PTPRT: variants seen among roughly 807,000 people sequenced by gnomAD.
PTPRT encodes the protein protein tyrosine phosphatase receptor type T, also known as receptor-type tyrosine-protein phosphatase T.
In PTPRT, 56 loss-of-function variants were observed where a neutral mutation model predicts 176.8. That is an observed-to-expected ratio of 0.32 (90% CI 0.26 to 0.40). The LOEUF (loss-of-function observed/expected upper bound fraction) is 0.40, where lower values mean the gene tolerates loss of function less well. PTPRT is among the 10% of genes least tolerant of loss of function. The pLI is 1.00. For missense variants in PTPRT, 1,540 were observed against 1,908.2 expected, an observed-to-expected ratio of 0.81 and a Z score of 3.60; for synonymous variants, 783 against 739.0, an observed-to-expected ratio of 1.06 and a Z score of -0.96.
At chr20:42,278,291 A>C (rs1485221296) in intron 13 of PTPRT, among the ~76,000 whole-genome samples, 1 of 130,184 alleles carries the variant, frequency 7.7e-6, no homozygotes, top group African/African-American at 3.7e-5. Flanking sequence ...ATATTTATCT[A>C]TTAAGGAGAC....
chr20:42,250,341 C>T (rs2056530028), intron 13 of PTPRT, among the ~76,000 whole-genome samples: 1 of 152,166 alleles, frequency 6.6e-6, no homozygotes, highest in Non-Finnish European at 1.5e-5. Context: ...CACATTTGTT[C>T]TCATGGAAGC....
chr20:43,014,583 C>T (rs887843654), intron 1 of PTPRT, among the ~76,000 whole-genome samples: 54 of 152,122 alleles, frequency 3.5e-4, no homozygotes, highest in African/African-American at 1.3e-3. Context: ...ATCACCAACA[C>T]TGAGTTTCAG....
At chr20:42,303,311 T>C (rs2057497079) in intron 12 of PTPRT, among the ~76,000 whole-genome samples, 1 of 152,172 alleles carries the variant, frequency 6.6e-6, no homozygotes, top group South Asian at 2.1e-4. Context: ...TCCTCACTAT[T>C]TGTTGATGTT....
At chr20:42,842,244 C>G (rs1009105154) in intron 2 of PTPRT, among the ~76,000 whole-genome samples, 3 of 152,166 alleles carry the variant, frequency 2.0e-5, no homozygotes, top group Admixed American at 2.0e-4. Context: ...GCACTGCGAA[C>G]ATCCCCAAAG....
At chr20:42,224,650 T>C (rs1229818653) in intron 15 of PTPRT, among the ~76,000 whole-genome samples, 1 of 152,192 alleles carries the variant, frequency 6.6e-6, no homozygotes, top group African/African-American at 2.4e-5. Context: ...CAGATTAGAA[T>C]AACCTGGGGA....
chr20:42,558,206 A>G (rs954271874), intron 7 of PTPRT, among the ~76,000 whole-genome samples: 4 of 151,918 alleles, frequency 2.6e-5, no homozygotes, highest in African/African-American at 7.3e-5. Flanking sequence ...TGTTCTCATC[A>G]TTTACCTCCC....
At chr20:42,654,091 G>T (rs2075080177) in intron 7 of PTPRT, among the ~76,000 whole-genome samples, 1 of 152,238 alleles carries the variant, frequency 6.6e-6, no homozygotes, top group South Asian at 2.1e-4. Context: ...GCTTCAAATG[G>T]CAGGAAAGGT....
intron 27 of PTPRT, among the ~76,000 whole-genome samples, chr20:42,087,449 G>A (rs185506689): frequency 9.9e-5 from 15 of 151,446 alleles, no homozygotes; most frequent in South Asian, 8.4e-4. Context: ...GAGCCTCACC[G>A]TGTTAGCCAG....
intron 2 of PTPRT, among the ~76,000 whole-genome samples, chr20:42,794,650 A>T (rs1307626189): frequency 2.0e-5 from 3 of 152,226 alleles, no homozygotes; most frequent in African/African-American, 4.8e-5. Context: ...TTGGATTTTA[A>T]GTAAAAAGGG....
intron 14 of PTPRT, among the ~76,000 whole-genome samples, chr20:42,247,763 A>G (rs2056479785): frequency 6.6e-6 from 1 of 152,198 alleles, no homozygotes; most frequent in Non-Finnish European, 1.5e-5. Context: ...CTGGCATTGA[A>G]ACTGAGAAGA....
intron 8 of PTPRT, among the ~76,000 whole-genome samples, chr20:42,452,804 T>G (rs2070854816): frequency 1.3e-5 from 2 of 152,226 alleles, no homozygotes; most frequent in South Asian, 4.1e-4. Context: ...ATTTATTTTC[T>G]GTTTTATTCC....
chr20:42,711,855 G>A (rs541160201), intron 6 of PTPRT, among the ~76,000 whole-genome samples: 1 of 151,730 alleles, frequency 6.6e-6, no homozygotes, highest in South Asian at 2.1e-4. Context: ...TGGAGAAAAT[G>A]AGGCTGACAG....
intron 2 of PTPRT, among the ~76,000 whole-genome samples, chr20:42,881,258 G>A (rs921007436): frequency 2.6e-5 from 4 of 152,170 alleles, no homozygotes; most frequent in African/African-American, 9.7e-5. Flanking sequence ...AGACCCTAGG[G>A]TCACTCAGCT....
chr20:42,930,830 T>C (rs1749804912), intron 1 of PTPRT, among the ~76,000 whole-genome samples: 1 of 152,186 alleles, frequency 6.6e-6, no homozygotes, highest in Non-Finnish European at 1.5e-5. Flanking sequence ...AACAAAACTT[T>C]ATACCATAGC....
chr20:42,812,170 T>C (rs2077707404), intron 2 of PTPRT, among the ~76,000 whole-genome samples: 1 of 152,134 alleles, frequency 6.6e-6, no homozygotes, highest in Non-Finnish European at 1.5e-5. Flanking sequence ...TATGTCTTGG[T>C]ATCTAGCATT....
the PTPRT span, among the ~76,000 whole-genome samples, chr20:42,048,508 T>A: frequency 6.6e-6 from 1 of 152,182 alleles, no homozygotes; most frequent in African/African-American, 2.4e-5. Context: ...TGAGCCACTA[T>A]ATAAGAATGC....
chr20:42,554,903 C>A (rs1383929403), intron 7 of PTPRT, among the ~76,000 whole-genome samples: 1 of 152,180 alleles, frequency 6.6e-6, no homozygotes, highest in Non-Finnish European at 1.5e-5. Flanking sequence ...CAAACCTCCT[C>A]ACTCCCTACC....
chr20:42,862,223 G>C lies in PTPRT; in HGVS notation c.214+23584C>G, dbSNP rs570761275. On this transcript the variant is annotated intron_variant, in intron 2 of 30. Coordinates refer to ENST00000373187, the MANE Select transcript of PTPRT (RefSeq NM_007050.6). ...GAGGCCACTGTATTGAACCACTCAA[G>C]GCTACATGGTGCACATCAGGCCTGG... 1.7e-4 allele frequency among the ~76,000 whole-genome samples: 26 copies of C among 152,222 alleles called. 1 individual carries two copies. In the East Asian group the frequency reaches 4.8e-3, roughly 28 times the overall value.
At chr20:42,119,875 C>T (rs1301034981) in intron 20 of PTPRT, 60 bp downstream of exon 20, 4 of 1,457,522 alleles carry the variant, frequency 2.7e-6, no homozygotes, top group Non-Finnish European at 3.8e-6. Flanking sequence ...GTTAAGAGAG[C>T]CCTTTCCCCT....
Sources: allele counts gnomAD v4.1 joint callset (sites outside exome capture counted in the v4.1 genomes callset), GRCh38; gene constraint gnomAD v4.1.1; transcripts MANE v1.5; gene names NCBI Gene and HGNC (gene_info 2026-07-23, HGNC 2026-07-21).